Variants in MYO1D observed in about 807,000 individuals in gnomAD.
MYO1D encodes the protein myosin ID.
A neutral mutation model predicts 122.0 loss-of-function variants in MYO1D; 83 were observed. The ratio of observed to expected loss-of-function variants is 0.68; its 90% CI spans 0.57 to 0.82. MYO1D has a LOEUF of 0.82. Ranked by LOEUF, MYO1D falls within the 40% of genes least tolerant of loss-of-function variation. The probability of loss-of-function intolerance (pLI) is 0.00; values close to 1 mark genes in which losing one functional copy is unlikely to be tolerated. For synonymous variants in MYO1D, 464 were observed against 446.9 expected, an observed-to-expected ratio of 1.04 and a Z score of -0.48; for missense variants, 1,157 against 1,269.5, an observed-to-expected ratio of 0.91 and a Z score of 1.35.
chr17:32,866,111 G>A (rs1567678001), intron 1 of MYO1D, among the ~76,000 whole-genome samples: 3 of 152,132 alleles, frequency 2.0e-5, no homozygotes, highest in Non-Finnish European at 2.9e-5. Context: ...CAAACCCATA[G>A]GCTTGAGCAA....
chr17:32,763,755 A>C (rs954653860), intron 8 of MYO1D, among the ~76,000 whole-genome samples: 1 of 152,048 alleles, frequency 6.6e-6, no homozygotes, highest in African/African-American at 2.4e-5. Context: ...CCTTGTCTCT[A>C]CTAAAAATAC....
chr17:32,647,494 T>C (rs771795806), intron 19 of MYO1D, among the ~76,000 whole-genome samples: 2 of 152,204 alleles, frequency 1.3e-5, no homozygotes, highest in African/African-American at 4.8e-5. Flanking sequence ...GCTGGAAAGA[T>C]AGAGACATCA....
intron 14 of MYO1D, among the ~76,000 whole-genome samples, chr17:32,731,330 T>A (rs1567614917): frequency 6.6e-6 from 1 of 152,374 alleles, no homozygotes; most frequent in South Asian, 2.1e-4. Context: ...GTTAAACCTA[T>A]CCATTGAATT....
intron 16 of MYO1D, among the ~76,000 whole-genome samples, chr17:32,677,582 T>G (rs1327515175): frequency 1.7e-3 from 8 of 4,776 alleles, no homozygotes; most frequent in Non-Finnish European, 2.9e-3. Flanking sequence ...GATAGATAAA[T>G]ATATATATAT....
At chr17:32,836,067 A>G (rs992633246) in intron 1 of MYO1D, among the ~76,000 whole-genome samples, 1 of 152,208 alleles carries the variant, frequency 6.6e-6, no homozygotes, top group African/African-American at 2.4e-5. Flanking sequence ...AAACCACTGC[A>G]TATATTTTGG....
At chr17:32,744,947 G>T (rs2151006625) in intron 13 of MYO1D, among the ~76,000 whole-genome samples, 1 of 152,334 alleles carries the variant, frequency 6.6e-6, no homozygotes, top group South Asian at 2.1e-4. Flanking sequence ...TACTGGTAGG[G>T]GATGCTGGAA....
Position 32,765,163 on chromosome 17 carries a change from G to T in MYO1D, c.832-82C>A, listed in dbSNP as rs2090043083. The T allele has an allele frequency of 1.0e-5, 12 of 1,150,894 alleles. No individual in the cohort carries two copies. In the South Asian group the frequency reaches 1.5e-4, roughly 15 times the overall value. The allele number at this position is 1,150,894 out of a possible 1,614,324, so 71.3% of individuals were successfully genotyped here. A position where few individuals can be genotyped will look rare whatever the true frequency, so the allele number is the denominator to read the frequency against. On this transcript the variant is annotated intron_variant, in intron 7 of 21. Transcript: ENST00000318217. ...TGCCAATATAAAATACAATTCAGGT[G>T]ACCTTGTTTGTACCTATTTTCCTAA...
At chr17:32,852,456 T>C (rs999931230) in intron 1 of MYO1D, among the ~76,000 whole-genome samples, 17 of 152,196 alleles carry the variant, frequency 1.1e-4, no homozygotes, top group African/African-American at 4.1e-4. Context: ...TGTTTATGTC[T>C]TGTAGCCAAG....
intron 21 of MYO1D, among the ~76,000 whole-genome samples, chr17:32,588,798 C>T (rs189982687): frequency 1.3e-5 from 2 of 152,058 alleles, no homozygotes; most frequent in Non-Finnish European, 2.9e-5. Context: ...AAAAATTAGC[C>T]TGGGCATGGT....
At chr17:32,715,551 G>A (rs775627791) in intron 15 of MYO1D, among the ~76,000 whole-genome samples, 3 of 152,108 alleles carry the variant, frequency 2.0e-5, no homozygotes, top group Middle Eastern at 3.4e-3. Context: ...AAATGCAGGC[G>A]TGTCCCAAGC....
rs147865198 is a variant in MYO1D at position 32,614,044 on chromosome 17, G to A, written c.2710-8803C>T. 2.5e-3 allele frequency among the ~76,000 whole-genome samples: 359 copies of A among 142,598 alleles called. 1 individual carries two copies. The highest frequency in any genetic ancestry group is 8.2e-3 in the African/African-American group (316 of 38,700). 93.5% of individuals were successfully genotyped at this position (142,598 alleles called of 152,430 possible). ...TGGTAAATACTCAAATGTATTTATT[G>A]CTATTTCATCACTATAATAATGTTT... On this transcript the variant is annotated intron_variant, in intron 20 of 21. Coordinates refer to ENST00000318217, the MANE Select transcript of MYO1D (RefSeq NM_015194.3).
At chr17:32,504,647 CATT>C (rs1468648098) in intron 21 of MYO1D, 2 of 152,268 alleles carry the variant, frequency 1.3e-5, no homozygotes, top group Non-Finnish European at 2.9e-5. Flanking sequence ...TCATTTTATA[CATT>C]ATTTCACAGT....
chr17:32,513,957 T>G lies in MYO1D; in HGVS notation c.2865-19042A>C, dbSNP rs1024657392. ...CACCACCATGCTAATTAAAAAAATT[T>G]TTTTGGCCGGGCATGGTGGCTCATG... is the stretch of plus-strand genomic sequence containing the variant. On this transcript the variant is annotated intron_variant, in intron 21 of 21. Coordinates refer to ENST00000318217, the MANE Select transcript of MYO1D (RefSeq NM_015194.3). Among the ~76,000 whole-genome samples, 9 of 152,014 alleles carry G rather than the reference T, an allele frequency of 5.9e-5. No homozygotes were observed. The East Asian group carries it at 1.4e-3, about 23-fold the overall frequency.
intron 1 of MYO1D, among the ~76,000 whole-genome samples, chr17:32,820,100 G>A (rs2151057014): frequency 6.6e-6 from 1 of 152,192 alleles, no homozygotes; most frequent in South Asian, 2.1e-4. Flanking sequence ...GCCATAGAAG[G>A]GTAGTTTCTC....
intron 19 of MYO1D, among the ~76,000 whole-genome samples, chr17:32,652,206 T>C (rs996272041): frequency 1.3e-5 from 2 of 152,212 alleles, no homozygotes; most frequent in African/African-American, 2.4e-5. Context: ...TATTGCCAAA[T>C]TGTCCACTCT....
At chr17:32,534,377 T>G (rs1910598003) in intron 21 of MYO1D, among the ~76,000 whole-genome samples, 1 of 152,156 alleles carries the variant, frequency 6.6e-6, no homozygotes, top group Non-Finnish European at 1.5e-5. Flanking sequence ...CTTGCTATGT[T>G]GCCCAGGCTG....
intron 1 of MYO1D, among the ~76,000 whole-genome samples, chr17:32,858,170 A>C (rs1215695452): frequency 9.2e-5 from 14 of 152,348 alleles, no homozygotes; most frequent in African/African-American, 3.4e-4. Context: ...CTAATGAGTG[A>C]ACCTTTAACT....
chr17:32,773,885 T>C (rs2090148517), intron 4 of MYO1D, among the ~76,000 whole-genome samples: 1 of 152,134 alleles, frequency 6.6e-6, no homozygotes, highest in South Asian at 2.1e-4. Flanking sequence ...CCCTAGTCTC[T>C]GCTCCCAATG....
chr17:32,703,429 T>C (rs961410865), intron 16 of MYO1D, among the ~76,000 whole-genome samples: 1 of 151,926 alleles, frequency 6.6e-6, no homozygotes, highest in Non-Finnish European at 1.5e-5. Flanking sequence ...ACTTTATATA[T>C]AAATTTTGAT....
Sources: gnomAD v4.1 joint callset for allele counts (sites outside exome capture counted in the v4.1 genomes callset) on GRCh38, gnomAD v4.1.1 for gene constraint, MANE v1.5 for transcripts, NCBI Gene and HGNC (gene_info 2026-07-23, HGNC 2026-07-21) for gene names.